Variants in SFMBT1 observed in about 807,000 individuals in gnomAD.
SFMBT1 encodes the protein scm-like with four MBT domains protein 1.
A neutral mutation model predicts 108.7 loss-of-function variants in SFMBT1; 32 were observed. That is an observed-to-expected ratio of 0.29 (90% confidence interval 0.22 to 0.40). The LOEUF (loss-of-function observed/expected upper bound fraction) is 0.40. Ranked by LOEUF, SFMBT1 falls within the 10% of genes least tolerant of loss-of-function variation. SFMBT1 has a pLI of 1.00. For synonymous variants in SFMBT1, 348 were observed against 369.5 expected, an observed-to-expected ratio of 0.94 and a Z score of 0.67; for missense variants, 816 against 1,059.6, an observed-to-expected ratio of 0.77 and a Z score of 3.19.
chr3:52,904,996 C>A lies in SFMBT1; in HGVS notation c.*140G>T. On this transcript the variant is annotated 3_prime_UTR_variant, in exon 21 of 21. Coordinates refer to ENST00000394752, the MANE Select transcript of SFMBT1 (RefSeq NM_016329.4). ...TTTTGCTTCCTCACTGTGAGTCCTC[C>A]TTCCCCGAAAGTGCAAAGAGAGCAA... 8.6e-7 allele frequency: 1 copy of A among 1,165,860 alleles called. No homozygotes were observed. Among genetic ancestry groups the A allele is most frequent in the East Asian group, 2.7e-5 (1 of 36,930 alleles). The allele number at this position is 1,165,860 out of a possible 1,614,324, so 72.2% of individuals were successfully genotyped here.
chr3:52,909,288 A>T (rs1308228684), intron 17 of SFMBT1, among the ~76,000 whole-genome samples: 1 of 152,222 alleles, frequency 6.6e-6, no homozygotes, highest in Non-Finnish European at 1.5e-5. Context: ...TAGTGTGCTT[A>T]TATATGCATT....
chr3:52,928,641 T>TATACATATATATACATATATAC (rs1392023601), intron 8 of SFMBT1: 1 of 52,960 alleles, frequency 1.9e-5, no homozygotes, highest in African/African-American at 4.6e-5. Context: ...TATATACATA[T>TATACATATATATACATATATAC]ATATATATAT....
intron 1 of SFMBT1, among the ~76,000 whole-genome samples, chr3:53,029,587 C>G (rs1699612256): frequency 6.6e-6 from 1 of 152,198 alleles, no homozygotes; most frequent in African/African-American, 2.4e-5. Flanking sequence ...GAAATTGATA[C>G]AATTTGTTAA....
intron 1 of SFMBT1, among the ~76,000 whole-genome samples, chr3:53,024,779 A>T (rs1699432298): frequency 6.6e-6 from 1 of 152,232 alleles, no homozygotes; most frequent in East Asian, 1.9e-4. Context: ...GAAATCATAC[A>T]ACAGAAACTT....
chr3:52,991,342 C>CTTTTTTTTTTTTTTTTTT (rs71087045), intron 1 of SFMBT1, among the ~76,000 whole-genome samples: 2 of 91,214 alleles, frequency 2.2e-5, no homozygotes, highest in Admixed American at 1.3e-4. Flanking sequence ...GCTGAAACTT[C>CTTTTTTTTTTTTTTTTTT]TTTTTTTTTT....
chr3:52,937,975 C>T (rs1703067359), intron 4 of SFMBT1, among the ~76,000 whole-genome samples: 1 of 152,124 alleles, frequency 6.6e-6, no homozygotes, highest in African/African-American at 2.4e-5. Flanking sequence ...AGTCTGTACA[C>T]ATTTTTCTTT....
At chr3:52,984,754 GTGTGTGTGTGTGTGTC>G (rs1259675327) in intron 1 of SFMBT1, among the ~76,000 whole-genome samples, 1 of 150,752 alleles carries the variant, frequency 6.6e-6, no homozygotes, top group Non-Finnish European at 1.5e-5. Context: ...GTGTGTGTGT[GTGTGTGTGTGTGTGTC>G]TATTCATACT....
intron 2 of SFMBT1, among the ~76,000 whole-genome samples, chr3:52,957,922 G>T (rs187543661): frequency 6.6e-6 from 1 of 152,008 alleles, no homozygotes; most frequent in Non-Finnish European, 1.5e-5. Flanking sequence ...TGACAAAAAC[G>T]TCAAAAGCAA....
intron 1 of SFMBT1, among the ~76,000 whole-genome samples, chr3:53,002,618 G>A (rs1350350272): frequency 6.7e-6 from 1 of 149,878 alleles, no homozygotes; most frequent in South Asian, 2.1e-4. Context: ...TTGGAAGTCT[G>A]TCTTGAGGGT....
At chr3:52,924,472 T>C (rs978882189) in intron 10 of SFMBT1, among the ~76,000 whole-genome samples, 1 of 151,974 alleles carries the variant, frequency 6.6e-6, no homozygotes, top group Non-Finnish European at 1.5e-5. Flanking sequence ...TGAAACCCAG[T>C]CTCTGCTAAA....
chr3:53,024,550 C>T (rs1699420998), intron 1 of SFMBT1, among the ~76,000 whole-genome samples: 1 of 151,916 alleles, frequency 6.6e-6, no homozygotes, highest in Non-Finnish European at 1.5e-5. Flanking sequence ...GACTCACTTG[C>T]TAACAGGGTC....
At chr3:52,969,963 T>C (rs1461842741) in intron 1 of SFMBT1, among the ~76,000 whole-genome samples, 1 of 151,814 alleles carries the variant, frequency 6.6e-6, no homozygotes, top group Non-Finnish European at 1.5e-5. Flanking sequence ...ACTAGCTGGG[T>C]ATGGTGGCGC....
chr3:52,928,587 TATACATATATATAC>T, intron 8 of SFMBT1: 1 of 139,360 alleles, frequency 7.2e-6, no homozygotes, highest in Non-Finnish European at 1.5e-5. Flanking sequence ...TATATACATA[TATACATATATATAC>T]ATATATACAT....
chr3:53,028,799 G>A (rs377141808), intron 1 of SFMBT1, among the ~76,000 whole-genome samples: 1 of 152,172 alleles, frequency 6.6e-6, no homozygotes, highest in East Asian at 1.9e-4. Flanking sequence ...ACCCTTGCAG[G>A]GAAGTGCACA....
intron 1 of SFMBT1, among the ~76,000 whole-genome samples, chr3:52,991,344 T>TTTTTTTC (rs1705117687): frequency 7.6e-6 from 1 of 131,830 alleles, no homozygotes; most frequent in Admixed American, 7.4e-5. Context: ...TGAAACTTCT[T>TTTTTTTC]TTTTTTTTTT....
intron 1 of SFMBT1, among the ~76,000 whole-genome samples, chr3:53,005,148 A>T (rs998218247): frequency 1.3e-5 from 2 of 152,352 alleles, no homozygotes; most frequent in Admixed American, 6.5e-5. Flanking sequence ...AAAATGGGAA[A>T]TATAAACACA....
At chr3:52,932,716 G>C (rs1168771699) in intron 5 of SFMBT1, among the ~76,000 whole-genome samples, 1 of 152,096 alleles carries the variant, frequency 6.6e-6, no homozygotes, top group Non-Finnish European at 1.5e-5. Context: ...TTCGAGACCA[G>C]TGTGGCCAAC....
intron 3 of SFMBT1, among the ~76,000 whole-genome samples, chr3:52,951,464 T>A (rs1280706507): frequency 6.6e-6 from 1 of 151,692 alleles, no homozygotes; most frequent in Non-Finnish European, 1.5e-5. Context: ...TTGCCCAGGC[T>A]GGAGTGCAGT....
intron 1 of SFMBT1, among the ~76,000 whole-genome samples, chr3:52,990,027 G>C (rs146928703): frequency 6.6e-6 from 1 of 152,080 alleles, no homozygotes; most frequent in Non-Finnish European, 1.5e-5. Flanking sequence ...AAAACTGTTC[G>C]GATATATTCC....
Sources: allele counts gnomAD v4.1 joint callset (sites outside exome capture counted in the v4.1 genomes callset), GRCh38; gene constraint gnomAD v4.1.1; transcripts MANE v1.5; gene names NCBI Gene and HGNC (gene_info 2026-07-23, HGNC 2026-07-21).